The following SLC35E1 variants were observed in gnomAD, a reference collection of about 807,000 sequenced individuals.
The protein encoded by SLC35E1 is solute carrier family 35, member E1.
A neutral mutation model predicts 31.0 loss-of-function variants in SLC35E1; 12 were observed. That is an observed-to-expected ratio of 0.39 (90% CI 0.25 to 0.63). The LOEUF (loss-of-function observed/expected upper bound fraction) is 0.63, where lower values mean the gene tolerates loss of function less well. Ranked by LOEUF, SLC35E1 falls within the 20% of genes least tolerant of loss-of-function variation. The pLI, the probability that SLC35E1 is intolerant of heterozygous loss-of-function variation, is 0.52. For synonymous variants in SLC35E1, 257 were observed against 264.1 expected (o/e 0.97, Z 0.26); for missense variants, 429 against 572.2 (o/e 0.75, Z 2.55).
intron 1 of SLC35E1, 54 bp downstream of exon 1, chr19:16,571,890 A>C (rs2085960776): frequency 6.6e-7 from 1 of 1,514,626 alleles, no homozygotes; most frequent in Non-Finnish European, 8.9e-7. Flanking sequence ...CCATGCGCCC[A>C]AACCCGAAGC....
At chr19:16,570,032 T>C (rs1004538082) in intron 2 of SLC35E1, among the ~76,000 whole-genome samples, 1 of 152,194 alleles carries the variant, frequency 6.6e-6, no homozygotes, top group Non-Finnish European at 1.5e-5. Flanking sequence ...TCAGGAATGA[T>C]GACTACTGGC....
rs775075153 is a variant in SLC35E1 at position 16,553,726 on chromosome 19, G to A, written c.1186C>T (p.Arg396Trp). ...NILTDHFQYS[R>W]QSYPNSYSLN... ...CTGTACGAGTTTGGGTAGCTCTGCC[G>A]GCTGTATTGGAAGTGGTCTGTTAAG... Residue 396 changes from arginine (R) to tryptophan (W), a missense_variant, in exon 6 of 6, where the codon CGG (arginine) becomes TGG (tryptophan). By Grantham distance (101) the Arg-to-Trp change is moderately radical (BLOSUM62 -3). Coordinates refer to ENST00000595753, the MANE Select transcript of SLC35E1 (RefSeq NM_024881.5). 9.4e-6 allele frequency: 15 copies of A among 1,600,506 alleles called. No individual in the cohort carries two copies. The highest frequency in any genetic ancestry group is 1.7e-4 in the Middle Eastern group (1 of 6,026).
rs1338929493 is a variant in SLC35E1 at position 16,567,127 on chromosome 19, G to C, written c.631-470C>G. 3.3e-5 allele frequency among the ~76,000 whole-genome samples: 5 copies of C among 152,308 alleles called. 1 individual carries two copies. In the East Asian group the frequency reaches 7.7e-4, roughly 23 times the overall value. On this transcript the variant is annotated intron_variant, in intron 3 of 5. Transcript: ENST00000595753. Reference sequence around the variant, plus strand: ...TTGGAAATAAGTGGTATTTCCAATAGAGAGACTGCATTAACTGTGGTACCT... The same window carrying C: ...TTGGAAATAAGTGGTATTTCCAATACAGAGACTGCATTAACTGTGGTACCT...
intron 4 of SLC35E1, among the ~76,000 whole-genome samples, chr19:16,556,246 G>A (rs964607888): frequency 1.3e-5 from 2 of 151,944 alleles, no homozygotes; most frequent in Admixed American, 6.6e-5. Flanking sequence ...TTTAGGTTGG[G>A]CGTGGTGGCT....
chr19:16,564,658 C>T (rs930461327), intron 4 of SLC35E1, among the ~76,000 whole-genome samples: 4 of 152,118 alleles, frequency 2.6e-5, no homozygotes, highest in African/African-American at 9.7e-5. Context: ...CTGACAAACA[C>T]ATAAAAGTTC....
chr19:16,566,313 G>A (rs1013485810), intron 4 of SLC35E1: 22 of 567,294 alleles, frequency 3.9e-5, no homozygotes, highest in Non-Finnish European at 1.2e-5. Flanking sequence ...TCAGCACCTG[G>A]GATCAAGCAC....
rs866183399 is a variant in SLC35E1 at position 16,554,821 on chromosome 19, A to G, written c.1002+331T>C. The stretch of plus-strand genomic sequence containing the variant: ...GGTGACAGAGCCAGACTCCATCTCG[A>G]AAAAAAAAAAAAAAAAAAAGAAAAG... On this transcript the variant is annotated intron_variant, in intron 5 of 5. Transcript: ENST00000595753. 1.2e-3 allele frequency among the ~76,000 whole-genome samples: 117 copies of G among 101,494 alleles called. No homozygotes were observed. The East Asian group carries it at 0.015, about 13-fold the overall frequency. The allele number at this position is 101,494 out of a possible 152,430, so 66.6% of individuals were successfully genotyped here. A position where few individuals can be genotyped will look rare whatever the true frequency, so the allele number is the denominator to read the frequency against.
At chr19:16,562,317 A>G (rs550789052) in intron 4 of SLC35E1, among the ~76,000 whole-genome samples, 8 of 152,318 alleles carry the variant, frequency 5.3e-5, no homozygotes, top group Admixed American at 5.2e-4. Flanking sequence ...AAGAAATGAG[A>G]AAGGCCTTCT....
At chr19:16,554,820 G>C (rs1275401611) in intron 5 of SLC35E1, among the ~76,000 whole-genome samples, 2 of 60,218 alleles carry the variant, frequency 3.3e-5, no homozygotes, top group African/African-American at 6.5e-5. Flanking sequence ...ACTCCATCTC[G>C]AAAAAAAAAA....
chr19:16,571,093 CT>C (rs1372064889), intron 2 of SLC35E1, among the ~76,000 whole-genome samples: 1 of 141,952 alleles, frequency 7.0e-6, no homozygotes, highest in Admixed American at 7.1e-5. Context: ...AAAACTCCGT[CT>C]CAAAAAAAAA....
At chr19:16,563,702 A>T (rs1479852287) in intron 4 of SLC35E1, among the ~76,000 whole-genome samples, 1 of 152,112 alleles carries the variant, frequency 6.6e-6, no homozygotes, top group Non-Finnish European at 1.5e-5. Context: ...GCTGGTTTCG[A>T]ACTCCTGGCC....
At chr19:16,568,598 G>A (rs2085943253) in intron 2 of SLC35E1, among the ~76,000 whole-genome samples, 1 of 151,986 alleles carries the variant, frequency 6.6e-6, no homozygotes, top group African/African-American at 2.4e-5. Context: ...TGGCACAATC[G>A]TGGCTCACTG....
intron 4 of SLC35E1, among the ~76,000 whole-genome samples, chr19:16,564,684 A>C (rs534116704): frequency 6.6e-6 from 1 of 152,162 alleles, no homozygotes; most frequent in Non-Finnish European, 1.5e-5. Flanking sequence ...GATGCTGGAG[A>C]AAAAAAGAGA....
At chr19:16,560,224 T>C (rs1288417093) in intron 4 of SLC35E1, among the ~76,000 whole-genome samples, 2 of 152,204 alleles carry the variant, frequency 1.3e-5, no homozygotes, top group Non-Finnish European at 1.5e-5. Context: ...ATGAGGTCGC[T>C]GTCCTCAGCT....
Position 16,555,626 on chromosome 19 carries a change from C to A in SLC35E1, c.757-229G>T. ...CATGGGAATCACCCGCCGTCTCCTG[C>A]CAAGGAAACAGGTGAAGCCAGGTCC... On this transcript the variant is annotated intron_variant, in intron 4 of 5. Transcript: ENST00000595753. The surrounding 1 kb of genome is among the most constrained non-coding windows in gnomAD (Gnocchi z 4.1). 1.8e-6 allele frequency: 1 copy of A among 548,004 alleles called. No homozygotes were observed. 33.9% of individuals were successfully genotyped at this position (548,004 alleles called of 1,614,324 possible).
At chr19:16,566,388 T>C (rs2085932375) in intron 4 of SLC35E1, 144 bp downstream of exon 4, 2 of 1,079,664 alleles carry the variant, frequency 1.9e-6, no homozygotes, top group Non-Finnish European at 2.6e-6. Flanking sequence ...CGTGAGGCAT[T>C]ACAGAGGACT....
At chr19:16,571,462 G>A (rs768331233) in intron 2 of SLC35E1, 50 bp downstream of exon 2, 2 of 1,595,420 alleles carry the variant, frequency 1.3e-6, no homozygotes, top group African/African-American at 2.7e-5. Flanking sequence ...TGGCAACAGG[G>A]AGGAACCCCC....
In SLC35E1 at chr19:16,555,201, T is replaced by G. The variant is rs2085869411; in HGVS notation, c.953A>C (p.Asn318Thr). 1 of 1,614,000 alleles carries G rather than the reference T, an allele frequency of 6.2e-7. No individual in the cohort carries two copies. The change falls in exon 5 of 6, where the codon AAC becomes ACC. Residue 318 changes from asparagine to threonine, a missense_variant. By Grantham distance (65) the Asn-to-Thr change is moderately conservative (BLOSUM62 0). Transcript: ENST00000595753. This position sits in a 1 kb window ranked among gnomAD's most constrained non-coding sequence, Gnocchi z 4.1. ...GATGGCGGTCATCATGCCCAGGACG[T>G]TGGTGCTGGTGACTGGGTTGCGCAG... ...IMLRNPVTST[N>T]VLGMMTAILG...
Position 16,571,810 on chromosome 19 carries a change from C to G in SLC35E1, c.421+134G>C. ...GAACCCCGTGCGTGTCCCTCCCCTA[C>G]CAAACCCTTGGCAGCCCCTCTGCTG... On this transcript the variant is annotated intron_variant, in intron 1 of 5. Transcript: ENST00000595753. 4.7e-6 allele frequency: 5 copies of G among 1,055,250 alleles called. No individual in the cohort carries two copies. In the South Asian group the frequency reaches 8.0e-5, roughly 17 times the overall value. 65.4% of individuals were successfully genotyped at this position (1,055,250 alleles called of 1,614,324 possible). A position where few individuals can be genotyped will look rare whatever the true frequency, so the allele number is the denominator to read the frequency against.
Sources: gnomAD v4.1 joint callset for allele counts (sites outside exome capture counted in the v4.1 genomes callset) on GRCh38, gnomAD v4.1.1 for gene constraint, Gnocchi (gnomAD v3.1) non-coding constraint, MANE v1.5 for transcripts, NCBI Gene and HGNC (gene_info 2026-07-23, HGNC 2026-07-21) for gene names.